C6orf132: variants seen among roughly 807,000 people sequenced by gnomAD.
C6orf132 encodes the protein uncharacterized protein C6orf132.
A neutral mutation model predicts 65.3 loss-of-function variants in C6orf132; 43 were observed. That is an observed-to-expected ratio of 0.66 (90% CI 0.52 to 0.85). The LOEUF is 0.85. C6orf132 is among the 40% of genes least tolerant of loss of function. The pLI, the probability that C6orf132 is intolerant of heterozygous loss-of-function variation, is 0.00. For missense variants in C6orf132, 1,488 were observed against 1,548.8 expected (o/e 0.96, Z 0.66); for synonymous variants, 631 against 654.1 (o/e 0.96, Z 0.54).
rs952827618 is a variant in C6orf132 at position 42,142,558 on chromosome 6, G to T, written c.-114C>A. On this transcript the variant is annotated 5_prime_UTR_variant, in exon 1 of 5. Transcript: ENST00000341865. ...GGGACTCTACCAGGCCATGTCCCCC[G>T]CCGTCCTCCCCGCCCGCGCACCGGG... is the stretch of plus-strand genomic sequence containing the variant. 4.2e-6 allele frequency: 4 copies of T among 945,630 alleles called. No homozygotes were observed. The East Asian group carries it at 1.2e-4, about 29-fold the overall frequency. The allele number at this position is 945,630 out of a possible 1,614,324, so 58.6% of individuals were successfully genotyped here. A position where few individuals can be genotyped will look rare whatever the true frequency, so the allele number is the denominator to read the frequency against.
At chr6:42,128,587 G>A in intron 2 of C6orf132, 85 bp downstream of exon 2, 1 of 993,816 alleles carries the variant, frequency 1.0e-6, no homozygotes, top group Non-Finnish European at 1.5e-6. Flanking sequence ...GACAGAGGGT[G>A]CAGCTGATGT....
At position 42,105,869 on chromosome 6, in the gene C6orf132, T is replaced by C. The variant is rs939677712; in HGVS notation, c.2043A>G (p.Thr681=). The C allele has an allele frequency of 6.5e-7, 1 of 1,536,948 alleles. No homozygotes were observed. Among genetic ancestry groups the C allele is most frequent in the Non-Finnish European group, 8.7e-7 (1 of 1,146,794 alleles). ...CAGGGCCAGATGTGGCCTTGAGTGG[T>C]GTGGTTGGCCCAGATGTGGCCTTGA... ...TPLKATSGPT[T]PLKATSGPAI... Residue 681 remains threonine, a synonymous_variant, in exon 4 of 5, where the codon ACA becomes ACG. Transcript: ENST00000341865.
Position 42,142,366 on chromosome 6 carries a change from G to C in C6orf132, c.79C>G (p.Leu27Val). Reference protein sequence around the residue: ...KKHTTTPSTSLYATNPPWIFT... With the variant: ...KKHTTTPSTSVYATNPPWIFT... ...ATCCAGGGCGGATTGGTGGCGTAGA[G>C]GGAGGTGCTGGGGGTCGTGGTGTGC... The change falls in exon 1 of 5, where the codon CTC becomes GTC. Residue 27 changes from leucine to valine, a missense_variant. By Grantham distance (32) the Leu-to-Val change is conservative. Transcript: ENST00000341865. 2 of 1,551,494 alleles carry C rather than the reference G, an allele frequency of 1.3e-6. No individual in the cohort carries two copies. Among genetic ancestry groups the C allele is most frequent in the Non-Finnish European group, 1.7e-6 (2 of 1,146,886 alleles).
At position 42,106,100 on chromosome 6, in the gene C6orf132, C is replaced by G. The variant is rs1345628338; in HGVS notation, c.1812G>C (p.Gly604=). ...RLEGGRICEN[G]ADDDKLSKPV... is the part of the protein sequence containing the mutation. The stretch of plus-strand genomic sequence containing the variant: ...GCTTGGAGAGTTTGTCATCATCAGC[C>G]CCGTTTTCACAAATTCTTCCCCCTT... Residue 604 remains glycine, a synonymous_variant, in exon 4 of 5, where the codon GGG becomes GGC. Coordinates refer to ENST00000341865, the MANE Select transcript of C6orf132 (RefSeq NM_001164446.3). 1.3e-6 allele frequency: 2 copies of G among 1,537,202 alleles called. No homozygotes were observed. Among genetic ancestry groups the G allele is most frequent in the South Asian group, 2.4e-5 (2 of 84,062 alleles).
chr6:42,115,934 C>CTTTTTTTTTTTTTT (rs67542628), intron 2 of C6orf132, among the ~76,000 whole-genome samples: 11 of 106,390 alleles, frequency 1.0e-4, no homozygotes, highest in African/African-American at 1.4e-4. Context: ...TTTTCTTTTT[C>CTTTTTTTTTTTTTT]TTTTTTTTTT....
chr6:42,125,947 C>A (rs745571847), intron 2 of C6orf132, among the ~76,000 whole-genome samples: 1 of 152,078 alleles, frequency 6.6e-6, no homozygotes, highest in Non-Finnish European at 1.5e-5. Flanking sequence ...AGAACGAACT[C>A]AGCTGGGCCC....
At chr6:42,127,016 G>A (rs140793553) in intron 2 of C6orf132, among the ~76,000 whole-genome samples, 8 of 152,152 alleles carry the variant, frequency 5.3e-5, no homozygotes, top group African/African-American at 1.9e-4. Context: ...GTGCAGTAGT[G>A]CAATCATAGC....
intron 2 of C6orf132, among the ~76,000 whole-genome samples, chr6:42,125,525 C>T (rs1322212472): frequency 6.6e-6 from 1 of 152,180 alleles, no homozygotes; most frequent in Non-Finnish European, 1.5e-5. Flanking sequence ...ACCGAGGGAA[C>T]GAGTGAACTT....
Position 42,104,343 on chromosome 6 carries a change from C to T in C6orf132, c.3449+120G>A. On this transcript the variant is annotated intron_variant, in intron 4 of 4. Coordinates refer to ENST00000341865, the MANE Select transcript of C6orf132 (RefSeq NM_001164446.3). The surrounding 1 kb of genome is among the most constrained non-coding windows in gnomAD (Gnocchi z 4.1). ...AAGTGGGCCTCCCTCCCGCGTTCTA[C>T]CTGCAAGGCCGAAGGGAGAAAACCA... 1 of 1,222,400 alleles carries T rather than the reference C, an allele frequency of 8.2e-7. No homozygotes were observed. Among genetic ancestry groups the T allele is most frequent in the Non-Finnish European group, 1.0e-6 (1 of 982,138 alleles). 75.7% of individuals were successfully genotyped at this position (1,222,400 alleles called of 1,614,324 possible). A position where few individuals can be genotyped will look rare whatever the true frequency, so the allele number is the denominator to read the frequency against.
chr6:42,118,635 C>A (rs1766623717), intron 2 of C6orf132, among the ~76,000 whole-genome samples: 1 of 152,180 alleles, frequency 6.6e-6, no homozygotes, highest in Non-Finnish European at 1.5e-5. Flanking sequence ...GGCTGCAGCA[C>A]CTCCCTCTTT....
At position 42,106,686 on chromosome 6, in the gene C6orf132, G is replaced by A; in HGVS notation, c.1226C>T (p.Pro409Leu). The A allele has an allele frequency of 1.3e-6, 2 of 1,498,798 alleles. No homozygotes were observed. 92.8% of individuals were successfully genotyped at this position (1,498,798 alleles called of 1,614,324 possible). Residue 409 changes from proline to leucine, a missense_variant, in exon 4 of 5, where the codon CCA becomes CTA. Pro to Leu is a moderately conservative substitution (Grantham distance 98). Transcript: ENST00000341865. ...PAPPLPPPAP[P>L]LPPAAPPLPC... Reference sequence around the variant, plus strand: ...CAAAGGAGGTGCAGCTGGGGGAAGTGGGGGTGCTGGGGGAGGGAGGGGGGG... The same window carrying A: ...CAAAGGAGGTGCAGCTGGGGGAAGTAGGGGTGCTGGGGGAGGGAGGGGGGG...
chr6:42,142,533 G>A lies in C6orf132; in HGVS notation c.-89C>T. On this transcript the variant is annotated 5_prime_UTR_variant, in exon 1 of 5. Transcript: ENST00000341865. ...ACTGAACTCAGCACGGTCTCCCCAG[G>A]GGACTCTACCAGGCCATGTCCCCCG... The A allele has an allele frequency of 7.1e-7, 1 of 1,407,280 alleles. No individual in the cohort carries two copies. The highest frequency in any genetic ancestry group is 1.4e-5 in the South Asian group (1 of 70,360). The allele number at this position is 1,407,280 out of a possible 1,614,324, so 87.2% of individuals were successfully genotyped here. A position where few individuals can be genotyped will look rare whatever the true frequency, so the allele number is the denominator to read the frequency against.
rs746044624 is a variant in C6orf132 at position 42,128,690 on chromosome 6, C to G, written c.234G>C (p.Leu78=). Residue 78 remains leucine, a synonymous_variant, in exon 2 of 5, where the codon CTG becomes CTC. Coordinates refer to ENST00000341865, the MANE Select transcript of C6orf132 (RefSeq NM_001164446.3). ...TACTCACCAGCGGAAGGAAGGTCAG[C>G]AGGGGCCGGACTCTTGGCCGAGCTT... is the stretch of plus-strand genomic sequence containing the variant. ...TLKARPRVRP[L]LTFLPLNAQE... is the part of the protein sequence containing the mutation. 3.0e-5 allele frequency: 46 copies of G among 1,551,230 alleles called. No individual in the cohort carries two copies. Among genetic ancestry groups the G allele is most frequent in the Non-Finnish European group, 3.9e-5 (45 of 1,146,894 alleles).
At chr6:42,118,957 T>A (rs1582275934) in intron 2 of C6orf132, among the ~76,000 whole-genome samples, 1 of 122,426 alleles carries the variant, frequency 8.2e-6, no homozygotes, top group Admixed American at 1.0e-4. Flanking sequence ...CACCGCAGCC[T>A]CAAATTCCTG....
At chr6:42,134,299 C>T (rs947580049) in intron 1 of C6orf132, among the ~76,000 whole-genome samples, 13 of 152,172 alleles carry the variant, frequency 8.5e-5, no homozygotes, top group African/African-American at 3.1e-4. Flanking sequence ...AACAGTGGTC[C>T]CTGCTGGGCA....
At position 42,107,262 on chromosome 6, in the gene C6orf132, G is replaced by A. The variant is rs928370650; in HGVS notation, c.650C>T (p.Pro217Leu). 7 of 1,307,484 alleles carry A rather than the reference G, an allele frequency of 5.4e-6. No homozygotes were observed. The highest frequency in any genetic ancestry group is 7.1e-6 in the Non-Finnish European group (7 of 992,780). The allele number at this position is 1,307,484 out of a possible 1,614,324, so 81.0% of individuals were successfully genotyped here. A position where few individuals can be genotyped will look rare whatever the true frequency, so the allele number is the denominator to read the frequency against. The change falls in exon 4 of 5, where the codon CCT (proline) becomes CTT (leucine). Residue 217 changes from proline to leucine, a missense_variant. Physicochemically the swap from Pro to Leu is moderately conservative, Grantham distance 98 (BLOSUM62 -3). Coordinates refer to ENST00000341865, the MANE Select transcript of C6orf132 (RefSeq NM_001164446.3). ...GGCTAGAAAGGCCAAGGGTGGGGCA[G>A]GGGGAATGAAGTCAGGAGGGGTGGG... is the stretch of plus-strand genomic sequence containing the variant. ...SIPTPPDFIP[P>L]APPLAFLAPP...
At chr6:42,142,161 C>G (rs1219371923) in intron 1 of C6orf132, 139 bp downstream of exon 1, 4 of 972,836 alleles carry the variant, frequency 4.1e-6, no homozygotes, top group African/African-American at 1.6e-5. Context: ...TGCCTCCTCC[C>G]CTGCCCGGCG....
At chr6:42,132,340 C>T (rs924574238) in intron 1 of C6orf132, among the ~76,000 whole-genome samples, 2 of 150,184 alleles carry the variant, frequency 1.3e-5, no homozygotes, top group South Asian at 2.1e-4. Flanking sequence ...ATGGTGAAAC[C>T]CCGTCTCTAC....
At chr6:42,137,492 T>C (rs1401259626) in intron 1 of C6orf132, among the ~76,000 whole-genome samples, 1 of 151,992 alleles carries the variant, frequency 6.6e-6, no homozygotes, top group Non-Finnish European at 1.5e-5. Context: ...TCCCACTCTT[T>C]AGCCGGGCCT....
Sources: gnomAD v4.1 joint callset for allele counts (sites outside exome capture counted in the v4.1 genomes callset) on GRCh38, gnomAD v4.1.1 for gene constraint, Gnocchi (gnomAD v3.1) non-coding constraint, MANE v1.5 for transcripts, NCBI Gene and HGNC (gene_info 2026-07-23, HGNC 2026-07-21) for gene names.